PAGE2B: variants seen among roughly 807,000 people sequenced by gnomAD.
PAGE2B encodes the protein PAGE family member 2B.
A neutral mutation model predicts 7.6 loss-of-function variants in PAGE2B; 5 were observed. That is an observed-to-expected ratio of 0.66 (90% CI 0.34 to 1.38). The LOEUF (loss-of-function observed/expected upper bound fraction) is 1.38, where lower values mean the gene tolerates loss of function less well. PAGE2B is among the 40% of genes most tolerant of loss of function. The probability of loss-of-function intolerance (pLI) is 0.04; values close to 1 mark genes in which losing one functional copy is unlikely to be tolerated. For synonymous variants in PAGE2B, 29 were observed against 26.7 expected, an observed-to-expected ratio of 1.09 and a Z score of -0.27; for missense variants, 70 against 78.4, an observed-to-expected ratio of 0.89 and a Z score of 0.41.
the PAGE2B span, among the ~76,000 whole-genome samples, chrX:55,041,738 G>A: frequency 9.0e-6 from 1 of 111,388 alleles, no homozygotes; most frequent in Non-Finnish European, 1.9e-5. Context: ...GTAGGGGTAG[G>A]CTGGGAGCGG....
chrX:55,041,389 T>C, the PAGE2B span, among the ~76,000 whole-genome samples: 1 of 111,588 alleles, frequency 9.0e-6, no homozygotes. Context: ...CCTCAATAAT[T>C]CTTATTGAAA....
At chrX:55,044,117 A>T in the PAGE2B span, among the ~76,000 whole-genome samples, 1 of 109,969 alleles carries the variant, frequency 9.1e-6, no homozygotes, top group African/African-American at 3.3e-5. Context: ...CTAAAAGTAG[A>T]TCTACCATTT....
the PAGE2B span, among the ~76,000 whole-genome samples, chrX:55,035,028 G>A: frequency 2.7e-5 from 3 of 109,995 alleles, no homozygotes; most frequent in African/African-American, 9.9e-5. Context: ...TTTTCTGCCT[G>A]CTTTATATTT....
the PAGE2B span, among the ~76,000 whole-genome samples, chrX:55,069,688 G>A: frequency 9.0e-6 from 1 of 111,295 alleles, no homozygotes. Context: ...TTTTTTGGTT[G>A]GTAGGCTATT....
chrX:55,051,492 G>A, the PAGE2B span, among the ~76,000 whole-genome samples: 5 of 111,708 alleles, frequency 4.5e-5, no homozygotes, highest in African/African-American at 6.5e-5. Context: ...ATATTTCTTG[G>A]AGGCTTTGTT....
At chrX:55,053,468 ACC>A in the PAGE2B span, among the ~76,000 whole-genome samples, 1 of 111,860 alleles carries the variant, frequency 8.9e-6, no homozygotes. Flanking sequence ...CCACCATGGC[ACC>A]CATTTACCTA....
At chrX:55,041,479 G>T in the PAGE2B span, among the ~76,000 whole-genome samples, 1 of 112,032 alleles carries the variant, frequency 8.9e-6, no homozygotes, top group Non-Finnish European at 1.9e-5. Flanking sequence ...GGTTAAGCTG[G>T]TATTTTATTT....
At chrX:55,067,373 G>C in the PAGE2B span, among the ~76,000 whole-genome samples, 6 of 111,488 alleles carry the variant, frequency 5.4e-5, no homozygotes, top group African/African-American at 2.0e-4. Flanking sequence ...TCCCTGGAAA[G>C]GACATGAACT....
the PAGE2B span, among the ~76,000 whole-genome samples, chrX:55,059,074 ATTAGCATGGTATAT>A: frequency 9.0e-6 from 1 of 111,641 alleles, no homozygotes; most frequent in African/African-American, 3.3e-5. Flanking sequence ...AGCGTGGGAC[ATTAGCATGGTATAT>A]TAGTTTGCTA....
At chrX:55,034,692 G>A in the PAGE2B span, among the ~76,000 whole-genome samples, 1 of 108,745 alleles carries the variant, frequency 9.2e-6, no homozygotes, top group African/African-American at 3.4e-5. Context: ...AAAGGTCCTG[G>A]TATATTAGTC....
rs201005417 is a variant in PAGE2B, at chrX:55,076,014, T to A, written c.-8-20T>A. The A allele has an allele frequency of 8.4e-7, 1 of 1,183,466 alleles. No individual in the cohort carries two copies. Among genetic ancestry groups the A allele is most frequent in the African/African-American group, 1.8e-5 (1 of 57,045 alleles). On this transcript the variant is annotated intron_variant, in intron 1 of 4. Transcript: ENST00000374971. Reference sequence around the variant, plus strand: ...TAAGTTCTTATACACTTTTTCCAAATAACAGTATTCTATTTTCAGTGGGAA... The same window carrying A: ...TAAGTTCTTATACACTTTTTCCAAAAAACAGTATTCTATTTTCAGTGGGAA...
At chrX:55,069,747 T>A in the PAGE2B span, among the ~76,000 whole-genome samples, 1 of 111,536 alleles carries the variant, frequency 9.0e-6, no homozygotes, top group African/African-American at 3.3e-5. Context: ...TCAGGGATTC[T>A]ACCTCTTCCT....
the PAGE2B span, among the ~76,000 whole-genome samples, chrX:55,052,958 T>G: frequency 2.7e-5 from 3 of 113,075 alleles, no homozygotes; most frequent in East Asian, 8.4e-4. Context: ...TCTTCTGAGA[T>G]GTTTTTTGCT....
chrX:55,070,065 C>CT (rs1329165004), upstream of PAGE2B, among the ~76,000 whole-genome samples: 7 of 110,688 alleles, frequency 6.3e-5, no homozygotes, highest in Admixed American at 5.8e-4. Context: ...TTAGTTATTT[C>CT]TGTCTTCTGC....
chrX:55,044,262 G>A, the PAGE2B span, among the ~76,000 whole-genome samples: 2,312 of 111,005 alleles, frequency 0.021, 44 homozygotes, highest in African/African-American at 0.062. Flanking sequence ...AAGAAAATGT[G>A]GTGTATACAC....
chrX:55,067,663 C>G, the PAGE2B span, among the ~76,000 whole-genome samples: 1 of 111,776 alleles, frequency 8.9e-6, no homozygotes, highest in South Asian at 3.8e-4. Flanking sequence ...AATTTACATT[C>G]CCACCAACAG....
the PAGE2B span, among the ~76,000 whole-genome samples, chrX:55,049,838 G>T: frequency 9.0e-6 from 1 of 111,132 alleles, no homozygotes; most frequent in Non-Finnish European, 1.9e-5. Context: ...GTTATTTCTT[G>T]CCTTCTGCTA....
the PAGE2B span, among the ~76,000 whole-genome samples, chrX:55,060,602 A>G: frequency 9.0e-6 from 1 of 111,406 alleles, no homozygotes; most frequent in Non-Finnish European, 1.9e-5. Context: ...TTCTTTTTCC[A>G]TGCAAAAGCT....
chrX:55,049,003 T>A, the PAGE2B span, among the ~76,000 whole-genome samples: 1 of 111,595 alleles, frequency 9.0e-6, no homozygotes, highest in African/African-American at 3.3e-5. Flanking sequence ...TTATTGAGAG[T>A]TTTTAGCATG....
Sources: gnomAD v4.1 joint callset for allele counts (sites outside exome capture counted in the v4.1 genomes callset) on GRCh38, gnomAD v4.1.1 for gene constraint, MANE v1.5 for transcripts, NCBI Gene and HGNC (gene_info 2026-07-23, HGNC 2026-07-21) for gene names.